The following TLE4 variants were observed in gnomAD, a reference collection of about 807,000 sequenced individuals.
TLE4 encodes the protein TLE family member 4, transcriptional corepressor.
TLE4 carries 8 observed loss-of-function variants against 92.8 expected under a neutral mutation model. That is an observed-to-expected ratio of 0.09 (90% CI 0.05 to 0.16). The LOEUF (loss-of-function observed/expected upper bound fraction) is 0.16. Ranked by LOEUF, TLE4 falls within the 10% of genes least tolerant of loss-of-function variation. TLE4 has a pLI of 1.00. For missense variants in TLE4, 675 were observed against 997.6 expected (o/e 0.68, Z 4.36); for synonymous variants, 371 against 374.1 (o/e 0.99, Z 0.10).
intron 8 of TLE4, 125 bp from the exon 9 acceptor site, chr9:79,704,658 C>A: frequency 7.6e-7 from 1 of 1,321,050 alleles, no homozygotes; most frequent in East Asian, 2.4e-5. Flanking sequence ...CTCCTATCTC[C>A]TCTTAACAGC....
chr9:79,654,453 A>G (rs936636290), intron 8 of TLE4, among the ~76,000 whole-genome samples: 5 of 152,020 alleles, frequency 3.3e-5, no homozygotes, highest in Admixed American at 6.6e-5. Context: ...ATTTGAGGAA[A>G]CAGCTCCAAC....
chr9:79,711,730 G>A (rs1479801309), intron 14 of TLE4, among the ~76,000 whole-genome samples: 22 of 152,138 alleles, frequency 1.4e-4, no homozygotes, highest in Admixed American at 1.3e-3. Flanking sequence ...CTGAGTCTTG[G>A]GCTGACTTCC....
intron 10 of TLE4, 150 bp from the exon 11 acceptor site, chr9:79,706,597 A>G (rs1457445539): frequency 1.3e-5 from 13 of 972,404 alleles, no homozygotes; most frequent in Non-Finnish European, 1.5e-5. Flanking sequence ...TATTTTCGTT[A>G]GTAGTTTCAG....
intron 14 of TLE4, among the ~76,000 whole-genome samples, chr9:79,710,682 T>C (rs567353826): frequency 1.5e-4 from 23 of 152,342 alleles, no homozygotes; most frequent in Admixed American, 2.0e-4. Flanking sequence ...CATTTAGTTA[T>C]CTAAGATGTC....
chr9:79,682,869 C>G (rs918926788), intron 8 of TLE4, among the ~76,000 whole-genome samples: 1 of 152,152 alleles, frequency 6.6e-6, no homozygotes, highest in African/African-American at 2.4e-5. Context: ...ATGCCAGAAA[C>G]TTGTTATGAT....
chr9:79,694,607 A>C (rs982104221), intron 8 of TLE4, among the ~76,000 whole-genome samples: 1 of 152,164 alleles, frequency 6.6e-6, no homozygotes, highest in Non-Finnish European at 1.5e-5. Context: ...GATACTAATA[A>C]TGCTTTATGT....
intron 4 of TLE4, among the ~76,000 whole-genome samples, chr9:79,602,468 C>A (rs1425728300): frequency 6.6e-6 from 1 of 152,150 alleles, no homozygotes; most frequent in African/African-American, 2.4e-5. Context: ...TTTATCATTC[C>A]AAAAATCCTA....
At chr9:79,672,288 G>T (rs572375153) in intron 8 of TLE4, among the ~76,000 whole-genome samples, 1 of 152,264 alleles carries the variant, frequency 6.6e-6, no homozygotes, top group African/African-American at 2.4e-5. Flanking sequence ...CTCATGGGAA[G>T]AGTGTGGTTT....
intron 4 of TLE4, among the ~76,000 whole-genome samples, chr9:79,595,986 A>G (rs1168209495): frequency 6.6e-6 from 1 of 151,618 alleles, no homozygotes; most frequent in Non-Finnish European, 1.5e-5. Context: ...AGCTGGGACT[A>G]CAGGCGCCCA....
At chr9:79,707,108 T>G in intron 11 of TLE4, 1 of 1,612,116 alleles carries the variant, frequency 6.2e-7, no homozygotes, top group Non-Finnish European at 8.5e-7. Context: ...TTTATGATTC[T>G]TTTTGCAAGG....
chr9:79,723,096 C>T (rs2075889999), intron 19 of TLE4, 61 bp downstream of exon 19: 3 of 1,491,530 alleles, frequency 2.0e-6, no homozygotes, highest in Non-Finnish European at 2.8e-6. Context: ...TGTGCATTCT[C>T]TCAGATTAAT....
rs369102113 is a variant in TLE4, at chr9:79,572,765, G to C, written c.-26G>C. 1.3e-6 allele frequency: 2 copies of C among 1,596,522 alleles called. No individual in the cohort carries two copies. The highest frequency in any genetic ancestry group is 1.7e-6 in the Non-Finnish European group (2 of 1,172,476). On this transcript the variant is annotated 5_prime_UTR_variant, in exon 1 of 20. Transcript: ENST00000376552. ...AGCCAATGAGCCGCGCGCCTCTGCCGAGCGCAGCCAACTAAATCGGCTTGG... is the reference window on the plus strand; with the variant it reads ...AGCCAATGAGCCGCGCGCCTCTGCCCAGCGCAGCCAACTAAATCGGCTTGG...
chr9:79,616,713 T>C (rs1170535455), intron 5 of TLE4, among the ~76,000 whole-genome samples: 3 of 152,154 alleles, frequency 2.0e-5, no homozygotes, highest in African/African-American at 7.2e-5. Context: ...CCAATAAATA[T>C]TGTATTGCTT....
intron 6 of TLE4, among the ~76,000 whole-genome samples, chr9:79,633,351 C>T (rs1237806905): frequency 6.6e-6 from 1 of 152,188 alleles, no homozygotes; most frequent in Non-Finnish European, 1.5e-5. Context: ...TCAATCCTCT[C>T]ACCTCCAAAA....
rs757374805 is a variant in TLE4, at chr9:79,720,270, T to C, written c.1815T>C (p.Asp605=). The change falls in exon 16 of 20, where the codon GAT becomes GAC. Residue 605 remains aspartate, a synonymous_variant. Transcript: ENST00000376552. The part of the protein sequence containing the change: ...CCSDGNIAVW[D]LHNQTLVRQF... Reference sequence around the variant, plus strand: ...GCGACGGCAACATCGCTGTGTGGGATCTGCACAACCAGACCTTGGTGAGGT... The same window carrying C: ...GCGACGGCAACATCGCTGTGTGGGACCTGCACAACCAGACCTTGGTGAGGT... 15 of 1,613,576 alleles carry C rather than the reference T, an allele frequency of 9.3e-6. No homozygotes were observed. Among genetic ancestry groups the C allele is most frequent in the Non-Finnish European group, 1.1e-5 (13 of 1,179,726 alleles).
At chr9:79,644,029 A>G (rs962255172) in intron 6 of TLE4, among the ~76,000 whole-genome samples, 2 of 152,096 alleles carry the variant, frequency 1.3e-5, no homozygotes, top group Admixed American at 1.3e-4. Context: ...ACACTGTGTG[A>G]TATGGTTTGG....
chr9:79,581,381 TG>T (rs1308270052), intron 4 of TLE4, among the ~76,000 whole-genome samples: 1 of 152,140 alleles, frequency 6.6e-6, no homozygotes. Flanking sequence ...TGTTTTAGGG[TG>T]TGTGTTTTCC....
At position 79,652,544 on chromosome 9, in the gene TLE4, G is replaced by A. The variant is rs371738080; in HGVS notation, c.391-49G>A. 8.4e-5 allele frequency: 134 copies of A among 1,602,396 alleles called. No individual in the cohort carries two copies. The East Asian group carries it at 1.1e-3, about 14-fold the overall frequency. On this transcript the variant is annotated intron_variant, in intron 6 of 19. Coordinates refer to ENST00000376552, the MANE Select transcript of TLE4 (RefSeq NM_007005.6). ...CCTTTCTGTTTCTCTTGGGGCAGGG[G>A]TTGGATATGGGGGCAAATTCAATAT...
intron 8 of TLE4, among the ~76,000 whole-genome samples, chr9:79,681,864 ATG>A (rs1381982823): frequency 8.5e-5 from 6 of 70,598 alleles, no homozygotes; most frequent in African/African-American, 2.0e-4. Flanking sequence ...GTGTGTGTGT[ATG>A]TGTGTGTGTG....
Sources: allele counts gnomAD v4.1 joint callset (sites outside exome capture counted in the v4.1 genomes callset), GRCh38; gene constraint gnomAD v4.1.1; transcripts MANE v1.5; gene names NCBI Gene and HGNC (gene_info 2026-07-23, HGNC 2026-07-21).